Variants in CPM observed in about 807,000 individuals in gnomAD.
The protein encoded by CPM is carboxypeptidase M, also known as renal carboxypeptidase.
A neutral mutation model predicts 46.4 loss-of-function variants in CPM; 35 were observed. The observed-to-expected ratio is 0.75, with a 90% CI of 0.58 to 1.00. The LOEUF (loss-of-function observed/expected upper bound fraction) is 1.00. Among genes scored for constraint, CPM ranks in the 50% least tolerant of loss-of-function variants. The probability of loss-of-function intolerance (pLI) is 0.00; values close to 1 mark genes in which losing one functional copy is unlikely to be tolerated. For missense variants in CPM, 422 were observed against 530.4 expected, an observed-to-expected ratio of 0.80 and a Z score of 2.01; for synonymous variants, 195 against 195.3, an observed-to-expected ratio of 1.00 and a Z score of 0.01.
intron 2 of CPM, among the ~76,000 whole-genome samples, chr12:68,928,673 G>A (rs1014590227): frequency 6.6e-6 from 1 of 152,044 alleles, no homozygotes; most frequent in Non-Finnish European, 1.5e-5. Flanking sequence ...AGTAAGGAAG[G>A]TGTTATTATC....
chr12:68,864,309 G>A (rs7974293), intron 7 of CPM, among the ~76,000 whole-genome samples: 69,774 of 152,030 alleles, frequency 0.46, 18,617 homozygotes, highest in East Asian at 0.93. Context: ...CGGGCATGAT[G>A]GTGGGTGTCT....
chr12:68,961,862 T>G (rs114583556), intron 1 of CPM, among the ~76,000 whole-genome samples: 3,086 of 152,278 alleles, frequency 0.02, 95 homozygotes, highest in African/African-American at 0.07. Context: ...TTATTTTTAA[T>G]GTTTAAAGTG....
At chr12:68,895,978 C>T (rs1443441643) in intron 2 of CPM, among the ~76,000 whole-genome samples, 2 of 152,158 alleles carry the variant, frequency 1.3e-5, no homozygotes, top group Non-Finnish European at 2.9e-5. Flanking sequence ...CAATGACTCC[C>T]CATGGCATTG....
chr12:68,910,558 T>C (rs1049601993), intron 2 of CPM, among the ~76,000 whole-genome samples: 5 of 152,348 alleles, frequency 3.3e-5, no homozygotes, highest in African/African-American at 1.2e-4. Flanking sequence ...TGTATGGGTT[T>C]TAAAAAATAT....
At chr12:68,915,384 T>C (rs1887763051) in intron 2 of CPM, among the ~76,000 whole-genome samples, 1 of 152,210 alleles carries the variant, frequency 6.6e-6, no homozygotes. Context: ...ACAAGGCTTC[T>C]TGCAGCACAG....
chr12:68,921,330 TG>T (rs1238506566), intron 2 of CPM, among the ~76,000 whole-genome samples: 4 of 151,378 alleles, frequency 2.6e-5, no homozygotes, highest in Non-Finnish European at 5.9e-5. Context: ...TTAGTAGAGA[TG>T]GGGTTTCACC....
At chr12:68,911,052 G>T (rs1012524952) in intron 2 of CPM, among the ~76,000 whole-genome samples, 1 of 152,138 alleles carries the variant, frequency 6.6e-6, no homozygotes, top group Admixed American at 6.6e-5. Flanking sequence ...AGGATGATTT[G>T]CTATACGGCA....
intron 7 of CPM, among the ~76,000 whole-genome samples, chr12:68,862,242 T>C (rs1184161994): frequency 7.2e-6 from 1 of 139,638 alleles, no homozygotes; most frequent in African/African-American, 2.8e-5. Context: ...AGATTCACTT[T>C]CTTTTTTTTT....
intron 2 of CPM, among the ~76,000 whole-genome samples, chr12:68,919,111 G>C (rs1194272070): frequency 6.6e-6 from 1 of 152,138 alleles, no homozygotes; most frequent in African/African-American, 2.4e-5. Context: ...TTGTAATCAG[G>C]CTATAAGATC....
At chr12:68,879,891 A>G (rs1028710959) in intron 3 of CPM, among the ~76,000 whole-genome samples, 2 of 152,158 alleles carry the variant, frequency 1.3e-5, no homozygotes, top group Non-Finnish European at 2.9e-5. Flanking sequence ...AGGATGTTAG[A>G]TGCTCCTGGT....
chr12:68,928,819 A>G (rs1439724633), intron 2 of CPM, among the ~76,000 whole-genome samples: 1 of 151,316 alleles, frequency 6.6e-6, no homozygotes, highest in African/African-American at 2.4e-5. Flanking sequence ...GGCCCACTGC[A>G]GCCTTGAACT....
At chr12:68,890,672 G>A (rs984999764) in intron 2 of CPM, among the ~76,000 whole-genome samples, 2 of 152,220 alleles carry the variant, frequency 1.3e-5, no homozygotes, top group Admixed American at 6.5e-5. Context: ...ATGCTGCTAC[G>A]GTTTGCTCCT....
At chr12:68,889,127 T>C (rs1013409675) in intron 2 of CPM, among the ~76,000 whole-genome samples, 1 of 152,208 alleles carries the variant, frequency 6.6e-6, no homozygotes, top group East Asian at 1.9e-4. Context: ...CCTTTGGTGA[T>C]TGGGAGGCTC....
chr12:68,891,656 T>C (rs959002401), intron 2 of CPM, among the ~76,000 whole-genome samples: 1 of 152,170 alleles, frequency 6.6e-6, no homozygotes, highest in African/African-American at 2.4e-5. Flanking sequence ...GAACTGCACA[T>C]CCTTGTGTTC....
At chr12:68,884,041 C>T (rs1033223036) in intron 3 of CPM, among the ~76,000 whole-genome samples, 8 of 131,912 alleles carry the variant, frequency 6.1e-5, no homozygotes, top group African/African-American at 8.5e-5. Context: ...ACCTTGTAGG[C>T]GGAGGTTGCA....
rs567499394 is a variant in CPM, at chr12:68,962,017, G to A, written c.-4+1152C>T. ...AGGTCGAGACCATCCTGGCTAACGC[G>A]GTGAAACCCTGTCTCCACTGAAAAT... On this transcript the variant is annotated intron_variant, in intron 1 of 8. Transcript: ENST00000546373. Among the ~76,000 whole-genome samples, 821 of 152,006 alleles carry A rather than the reference G, an allele frequency of 5.4e-3. 13 individuals carry two copies. Among genetic ancestry groups the A allele is most frequent in the African/African-American group, 0.019 (773 of 41,430 alleles).
chr12:68,932,728 T>C lies in CPM; in HGVS notation c.110A>G (p.Gln37Arg), dbSNP rs568959442. The stretch of plus-strand genomic sequence containing the variant: ...TAAGTGAGTGACAGAACTGTAGTTT[T>C]GGGCAACAGTCTTCAAAAACGCTTC... The part of the protein sequence containing the change: ...GMEAFLKTVA[Q>R]NYSSVTHLHS... Residue 37 changes from glutamine to arginine, a missense_variant, in exon 2 of 9, where the codon CAA (glutamine) becomes CGA (arginine). Gln to Arg is a conservative substitution (Grantham distance 43). Transcript: ENST00000551568. 123 of 1,614,202 alleles carry C rather than the reference T, an allele frequency of 7.6e-5. No homozygotes were observed. The South Asian group carries it at 1.3e-3, about 16-fold the overall frequency.
intron 1 of CPM, among the ~76,000 whole-genome samples, chr12:68,948,981 T>A (rs965519474): frequency 1.3e-5 from 2 of 152,258 alleles, no homozygotes; most frequent in Admixed American, 6.5e-5. Context: ...TTTCCTCCAC[T>A]AAATGGTAAG....
chr12:68,878,887 A>C (rs1010266868), intron 3 of CPM, among the ~76,000 whole-genome samples: 4 of 152,218 alleles, frequency 2.6e-5, no homozygotes, highest in African/African-American at 7.2e-5. Flanking sequence ...TCTCCCCAAA[A>C]AAGCAGAATT....
Sources: gnomAD v4.1 joint callset for allele counts (sites outside exome capture counted in the v4.1 genomes callset) on GRCh38, gnomAD v4.1.1 for gene constraint, MANE v1.5 for transcripts, NCBI Gene and HGNC (gene_info 2026-07-23, HGNC 2026-07-21) for gene names.